Variants in DLGAP2 observed in about 807,000 individuals in gnomAD.
The protein encoded by DLGAP2 is DLG associated protein 2.
Under a neutral mutation model 100.3 loss-of-function variants are expected in DLGAP2, and 26 were observed. The ratio of observed to expected loss-of-function variants is 0.26; its 90% CI spans 0.19 to 0.36. The LOEUF (loss-of-function observed/expected upper bound fraction) is 0.36. DLGAP2 is among the 10% of genes least tolerant of loss of function. The pLI is 1.00. For synonymous variants in DLGAP2, 886 were observed against 630.1 expected (o/e 1.41, Z -6.08); for missense variants, 1,858 against 1,453.2 (o/e 1.28, Z -4.53).
At chr8:1,320,270 G>A (rs931515130) in intron 3 of DLGAP2, among the ~76,000 whole-genome samples, 1 of 152,092 alleles carries the variant, frequency 6.6e-6, no homozygotes, top group Non-Finnish European at 1.5e-5. Context: ...CCCACTGAGT[G>A]TAGTAAAGAT....
chr8:1,374,515 A>G (rs879818616), intron 3 of DLGAP2, among the ~76,000 whole-genome samples: 2 of 152,116 alleles, frequency 1.3e-5, no homozygotes, highest in Non-Finnish European at 2.9e-5. Flanking sequence ...GTTCGCTCCA[A>G]TTTACTTAAC....
Position 1,551,214 on chromosome 8 carries a change from G to A in DLGAP2, c.1230+1531G>A, listed in dbSNP as rs941609948. ...AGAGGCATAAATTTTGTTTGCCGTC[G>A]GCAAACCCTAATCATATCCAAATGT... On this transcript the variant is annotated intron_variant, in intron 5 of 14. Transcript: ENST00000637795. 2.4e-4 allele frequency among the ~76,000 whole-genome samples: 36 copies of A among 152,234 alleles called. 1 individual carries two copies. Among genetic ancestry groups the A allele is most frequent in the Admixed American group, 9.2e-4 (14 of 15,296 alleles).
chr8:841,729 G>GC (rs557177929), intron 1 of DLGAP2, among the ~76,000 whole-genome samples: 2 of 152,004 alleles, frequency 1.3e-5, no homozygotes, highest in Admixed American at 1.3e-4. Flanking sequence ...CGCAGGTGCC[G>GC]CCCCCCACAC....
chr8:875,329 C>T (rs1351357337), intron 1 of DLGAP2, among the ~76,000 whole-genome samples: 1 of 151,990 alleles, frequency 6.6e-6, no homozygotes. Context: ...GACTGTGTCC[C>T]CACCCAAATC....
At chr8:1,065,673 A>G (rs1216942975) in intron 2 of DLGAP2, among the ~76,000 whole-genome samples, 2 of 152,116 alleles carry the variant, frequency 1.3e-5, no homozygotes, top group Non-Finnish European at 1.5e-5. Flanking sequence ...CTTCCTTCCA[A>G]TTCGATACTC....
intron 3 of DLGAP2, among the ~76,000 whole-genome samples, chr8:1,387,609 C>T (rs1796250705): frequency 6.6e-6 from 1 of 152,180 alleles, no homozygotes; most frequent in Non-Finnish European, 1.5e-5. Flanking sequence ...CGTGTATGTT[C>T]TACCCCACAG....
chr8:1,649,755 C>T (rs964639245), intron 8 of DLGAP2, among the ~76,000 whole-genome samples: 4 of 152,094 alleles, frequency 2.6e-5, no homozygotes, highest in Non-Finnish European at 5.9e-5. Context: ...GATAGAGGAT[C>T]GTGCTGTGCT....
intron 3 of DLGAP2, among the ~76,000 whole-genome samples, chr8:1,293,557 C>A (rs931875423): frequency 6.6e-6 from 1 of 152,278 alleles, no homozygotes; most frequent in Admixed American, 6.5e-5. Context: ...GTGAAATAAC[C>A]TACGTATTTC....
At chr8:1,202,720 C>G (rs757777829) in intron 2 of DLGAP2, among the ~76,000 whole-genome samples, 5 of 152,156 alleles carry the variant, frequency 3.3e-5, no homozygotes, top group Admixed American at 1.3e-4. Context: ...CCAACGCTTC[C>G]TCCTCAGTCT....
chr8:1,445,245 C>A lies in DLGAP2; in HGVS notation c.107-56121C>A, dbSNP rs187452362. On this transcript the variant is annotated intron_variant, in intron 3 of 14. Coordinates refer to ENST00000637795, the MANE Select transcript of DLGAP2 (RefSeq NM_001346810.2). ...TAATGCTATCCCTCCCCCCTCCCCC[C>A]ACCCCACAACAGTCCCCAGAGTGTG... Among the ~76,000 whole-genome samples the A allele has an allele frequency of 9.6e-4, 98 of 101,622 alleles. 1 individual carries two copies. The East Asian group carries it at 0.019, about 20-fold the overall frequency. 66.7% of individuals were successfully genotyped at this position (101,622 alleles called of 152,430 possible). A position where few individuals can be genotyped will look rare whatever the true frequency, so the allele number is the denominator to read the frequency against.
At chr8:1,261,736 G>A (rs1585203574) in intron 3 of DLGAP2, among the ~76,000 whole-genome samples, 2 of 152,368 alleles carry the variant, frequency 1.3e-5, no homozygotes, top group African/African-American at 4.8e-5. Context: ...TTTTCCCAAA[G>A]CACTGTCATA....
At chr8:906,040 C>T (rs776688009) in intron 1 of DLGAP2, among the ~76,000 whole-genome samples, 19 of 152,228 alleles carry the variant, frequency 1.2e-4, no homozygotes, top group African/African-American at 2.9e-4. Context: ...TGGAGCTAAC[C>T]GTCGGTGCTG....
At chr8:1,445,280 T>C (rs1480415938) in intron 3 of DLGAP2, among the ~76,000 whole-genome samples, 1 of 116,142 alleles carries the variant, frequency 8.6e-6, no homozygotes, top group Non-Finnish European at 1.6e-5. Flanking sequence ...GATGTTCCCC[T>C]TTCTGTGTCC....
chr8:880,839 G>A (rs1031677761), intron 1 of DLGAP2, among the ~76,000 whole-genome samples: 1 of 152,198 alleles, frequency 6.6e-6, no homozygotes. Flanking sequence ...TGTAATTTTT[G>A]CTAAGAAGTT....
chr8:1,590,542 A>C (rs1277887944), intron 6 of DLGAP2, among the ~76,000 whole-genome samples: 3 of 152,202 alleles, frequency 2.0e-5, no homozygotes, highest in African/African-American at 7.2e-5. Flanking sequence ...TCCTTTCCTC[A>C]GTTATCTGTC....
chr8:1,214,714 C>T (rs746131119), intron 2 of DLGAP2, among the ~76,000 whole-genome samples: 1 of 152,234 alleles, frequency 6.6e-6, no homozygotes, highest in Non-Finnish European at 1.5e-5. Flanking sequence ...CCTAGTTCTT[C>T]GCACAGACAC....
At chr8:1,344,487 A>T (rs1801510320) in intron 3 of DLGAP2, among the ~76,000 whole-genome samples, 1 of 152,174 alleles carries the variant, frequency 6.6e-6, no homozygotes, top group African/African-American at 2.4e-5. Flanking sequence ...TAGTTACTGA[A>T]GCACTTTGTG....
At chr8:1,448,851 G>C (rs1207289880) in intron 3 of DLGAP2, among the ~76,000 whole-genome samples, 1 of 152,164 alleles carries the variant, frequency 6.6e-6, no homozygotes, top group African/African-American at 2.4e-5. Context: ...AGAAAGCCTG[G>C]ATTCTAATGT....
At chr8:1,258,828 C>G (rs995365520) in intron 2 of DLGAP2, 23 bp from the exon 3 acceptor site, 7 of 1,231,548 alleles carry the variant, frequency 5.7e-6, no homozygotes, top group Non-Finnish European at 7.1e-6. Context: ...GGTGTAACAG[C>G]TTCTCTCTGT....
Sources: allele counts gnomAD v4.1 joint callset (sites outside exome capture counted in the v4.1 genomes callset), GRCh38; gene constraint gnomAD v4.1.1; transcripts MANE v1.5; gene names NCBI Gene and HGNC (gene_info 2026-07-23, HGNC 2026-07-21).